Variants in CYLC2 observed in about 807,000 individuals in gnomAD.
CYLC2 encodes cylicin-2.
CYLC2 carries 30 observed loss-of-function variants against 26.1 expected under a neutral mutation model. That is an observed-to-expected ratio of 1.15 (90% CI 0.86 to 1.56). CYLC2 has a LOEUF of 1.56. Among genes scored for constraint, CYLC2 ranks in the 40% most tolerant of loss-of-function variants. CYLC2 has a pLI of 0.00. For missense variants in CYLC2, 498 were observed against 394.4 expected, an observed-to-expected ratio of 1.26 and a Z score of -2.23; for synonymous variants, 158 against 132.8, an observed-to-expected ratio of 1.19 and a Z score of -1.31.
chr9:102,999,853 A>G (rs990239748), intron 1 of CYLC2, among the ~76,000 whole-genome samples: 4 of 151,828 alleles, frequency 2.6e-5, no homozygotes, highest in Non-Finnish European at 4.4e-5. Flanking sequence ...TATGTTTGTC[A>G]GTATGATTTT....
intron 6 of CYLC2, among the ~76,000 whole-genome samples, chr9:103,013,650 A>T (rs1172181768): frequency 8.9e-6 from 1 of 112,456 alleles, no homozygotes; most frequent in African/African-American, 3.7e-5. Flanking sequence ...TTATATAAAA[A>T]TATAAATATA....
intron 5 of CYLC2, among the ~76,000 whole-genome samples, chr9:103,009,857 C>T (rs2118251983): frequency 6.6e-6 from 1 of 151,692 alleles, no homozygotes; most frequent in Non-Finnish European, 1.5e-5. Flanking sequence ...GTAATAATAA[C>T]CAATTTATAT....
intron 1 of CYLC2, among the ~76,000 whole-genome samples, chr9:102,998,005 C>A (rs1220613436): frequency 1.3e-5 from 2 of 151,854 alleles, no homozygotes; most frequent in Non-Finnish European, 2.9e-5. Context: ...TTCAAAGTTT[C>A]AAATACATTA....
At chr9:103,014,208 A>C in intron 6 of CYLC2, among the ~76,000 whole-genome samples, 1 of 122,220 alleles carries the variant, frequency 8.2e-6, no homozygotes, top group Non-Finnish European at 1.6e-5. Flanking sequence ...TGAATATTAT[A>C]TATCTCATAT....
intron 6 of CYLC2, among the ~76,000 whole-genome samples, chr9:103,014,380 ATTACGTAATATAACATAATGTATG>A (rs1829462797): frequency 7.5e-6 from 1 of 133,714 alleles, no homozygotes; most frequent in South Asian, 2.3e-4. Flanking sequence ...CATTATGTAT[ATTACGTAATATAACATAATGTATG>A]TTACGTAATG....
chr9:103,005,719 C>G lies in CYLC2; in HGVS notation c.*41C>G. ...TTGAACCGAAAGAATAATTCAAAAG[C>G]ATATTTGATGAAACAATAGTGGTAG... On this transcript the variant is annotated 3_prime_UTR_variant, in exon 5 of 8. Transcript: ENST00000374798. The G allele has an allele frequency of 2.6e-6, 4 of 1,556,914 alleles. No homozygotes were observed. The highest frequency in any genetic ancestry group is 3.5e-6 in the Non-Finnish European group (4 of 1,153,118).
At chr9:103,015,431 CT>C (rs1235505464) in intron 6 of CYLC2, among the ~76,000 whole-genome samples, 1 of 129,404 alleles carries the variant, frequency 7.7e-6, no homozygotes, top group African/African-American at 2.9e-5. Context: ...TAATTATATA[CT>C]TATATATCAT....
At chr9:103,015,349 TTA>T (rs1225398516) in intron 6 of CYLC2, among the ~76,000 whole-genome samples, 1 of 127,484 alleles carries the variant, frequency 7.8e-6, no homozygotes, top group Admixed American at 9.5e-5. Context: ...GTTATATATA[TTA>T]TATATAATCA....
intron 1 of CYLC2, among the ~76,000 whole-genome samples, chr9:102,997,767 TAC>T (rs1829252094): frequency 6.6e-6 from 1 of 151,946 alleles, no homozygotes; most frequent in Admixed American, 6.6e-5. Flanking sequence ...TAAGCAGAGA[TAC>T]AGTTACAGGC....
chr9:103,004,198 T>C (rs945726519), intron 3 of CYLC2, among the ~76,000 whole-genome samples: 1 of 152,092 alleles, frequency 6.6e-6, no homozygotes, highest in African/African-American at 2.4e-5. Flanking sequence ...TCAATTTATA[T>C]CTGCCAAGCA....
At chr9:103,013,372 A>AATATATTATATAAAT (rs1219357572) in intron 6 of CYLC2, among the ~76,000 whole-genome samples, 1 of 103,600 alleles carries the variant, frequency 9.7e-6, no homozygotes, top group African/African-American at 4.6e-5. Context: ...ATATATATTT[A>AATATATTATATAAAT]ATATATTATA....
At chr9:102,996,620 G>A (rs914030144) in intron 1 of CYLC2, among the ~76,000 whole-genome samples, 1 of 151,820 alleles carries the variant, frequency 6.6e-6, no homozygotes, top group Non-Finnish European at 1.5e-5. Flanking sequence ...CCAATTCATT[G>A]AACACGCAAA....
Position 103,004,248 on chromosome 9 carries a change from T to C in CYLC2, c.181-447T>C, listed in dbSNP as rs538447824. 2.6e-5 allele frequency among the ~76,000 whole-genome samples: 4 copies of C among 152,226 alleles called. No homozygotes were observed. The East Asian group carries it at 7.7e-4, about 29-fold the overall frequency. The stretch of plus-strand genomic sequence containing the variant: ...CTTTTATCTTTAACCATGAGTAGCA[T>C]TCTAAATTCCAGAGACTCTGAAAAT... On this transcript the variant is annotated intron_variant, in intron 3 of 7. Transcript: ENST00000374798.
intron 6 of CYLC2, among the ~76,000 whole-genome samples, chr9:103,013,738 T>C (rs1176996552): frequency 9.1e-6 from 1 of 110,126 alleles, no homozygotes; most frequent in African/African-American, 3.7e-5. Context: ...TTATATATAA[T>C]TATATATTAT....
intron 1 of CYLC2, among the ~76,000 whole-genome samples, chr9:102,997,449 C>G (rs1376753585): frequency 6.6e-6 from 1 of 151,936 alleles, no homozygotes; most frequent in Non-Finnish European, 1.5e-5. Context: ...TCTTACTACA[C>G]ACAGAGCCAT....
At chr9:103,013,186 T>TAAATATATATTTAA (rs1554713519) in intron 6 of CYLC2, among the ~76,000 whole-genome samples, 2 of 131,704 alleles carry the variant, frequency 1.5e-5, no homozygotes, top group Admixed American at 1.7e-4. Context: ...ATTTAATATA[T>TAAATATATATTTAA]TATATATAAC....
At chr9:103,015,299 G>GT (rs1337139713) in intron 6 of CYLC2, among the ~76,000 whole-genome samples, 3 of 119,826 alleles carry the variant, frequency 2.5e-5, no homozygotes, top group African/African-American at 3.4e-5. Flanking sequence ...ATAATTATAT[G>GT]TTATAATATA....
In CYLC2 at chr9:103,005,427, G is replaced by C; in HGVS notation, c.796G>C (p.Glu266Gln). The C allele has an allele frequency of 6.2e-7, 1 of 1,613,608 alleles. No individual in the cohort carries two copies. The highest frequency in any genetic ancestry group is 2.2e-5 in the East Asian group (1 of 44,836). The change falls in exon 5 of 8, where the codon GAG (glutamate) becomes CAG (glutamine). Residue 266 changes from glutamate (E) to glutamine (Q), a missense_variant. By Grantham distance (29) the Glu-to-Gln change is conservative. Transcript: ENST00000374798. ...GAAGGATGCCAAGAAAGATGCAAAG[G>C]AGATTAAAAAAGGTAAGAAAGATAA... ...ESKDAKKDAK[E>Q]IKKGKKDKKK... is the part of the protein sequence containing the mutation.
chr9:103,013,323 A>ATATATATT (rs1564100444), intron 6 of CYLC2, among the ~76,000 whole-genome samples: 1 of 70,766 alleles, frequency 1.4e-5, no homozygotes, highest in African/African-American at 5.5e-5. Flanking sequence ...TATATAACCT[A>ATATATATT]TATATATTTA....
Sources: allele counts gnomAD v4.1 joint callset (sites outside exome capture counted in the v4.1 genomes callset), GRCh38; gene constraint gnomAD v4.1.1; transcripts MANE v1.5; gene names NCBI Gene and HGNC (gene_info 2026-07-23, HGNC 2026-07-21).